FAT3: variants seen among roughly 807,000 people sequenced by gnomAD.
FAT3 encodes the protein FAT atypical cadherin 3.
In FAT3, 95 loss-of-function variants were observed where a neutral mutation model predicts 310.2. That is an observed-to-expected ratio of 0.31 (90% CI 0.26 to 0.36). The LOEUF is 0.36. Among genes scored for constraint, FAT3 ranks in the 10% least tolerant of loss-of-function variants. The pLI, the probability that FAT3 is intolerant of heterozygous loss-of-function variation, is 1.00. For missense variants in FAT3, 5,408 were observed against 5,715.6 expected (o/e 0.95, Z 1.74); for synonymous variants, 2,314 against 2,192.9 (o/e 1.06, Z -1.54).
chr11:92,673,907 A>G (rs1427237821), intron 3 of FAT3, among the ~76,000 whole-genome samples: 3 of 152,048 alleles, frequency 2.0e-5, no homozygotes, highest in Admixed American at 6.6e-5. Context: ...TGGGCCAGGT[A>G]TGGTGGTTCA....
chr11:92,501,564 A>G (rs1368198009), intron 2 of FAT3, among the ~76,000 whole-genome samples: 3 of 152,006 alleles, frequency 2.0e-5, no homozygotes, highest in African/African-American at 7.2e-5. Flanking sequence ...AGGAATTTCA[A>G]CAGTCATTTG....
chr11:92,372,745 C>T (rs1394368683), intron 2 of FAT3, among the ~76,000 whole-genome samples: 1 of 152,046 alleles, frequency 6.6e-6, no homozygotes, highest in African/African-American at 2.4e-5. Flanking sequence ...ACTGCAAGCT[C>T]TGCCTCCCGG....
intron 3 of FAT3, among the ~76,000 whole-genome samples, chr11:92,693,553 T>C (rs1382465972): frequency 1.3e-5 from 2 of 152,208 alleles, no homozygotes; most frequent in Non-Finnish European, 2.9e-5. Flanking sequence ...AACAAAGTTA[T>C]TATAAATGAA....
intron 2 of FAT3, among the ~76,000 whole-genome samples, chr11:92,486,237 A>G (rs1952396761): frequency 7.2e-6 from 1 of 138,522 alleles, no homozygotes; most frequent in Non-Finnish European, 1.5e-5. Flanking sequence ...GGCTTTTACT[A>G]TGGATTGGTT....
At chr11:92,777,528 A>G (rs939017010) in intron 7 of FAT3, among the ~76,000 whole-genome samples, 1 of 152,202 alleles carries the variant, frequency 6.6e-6, no homozygotes, top group Non-Finnish European at 1.5e-5. Flanking sequence ...AAAGCATCCC[A>G]ACACTGACAA....
chr11:92,342,739 A>G (rs1181835744), intron 1 of FAT3, among the ~76,000 whole-genome samples: 1 of 152,146 alleles, frequency 6.6e-6, no homozygotes, highest in Non-Finnish European at 1.5e-5. Flanking sequence ...CTTTTTTAAA[A>G]ATCGTAAGCA....
intron 1 of FAT3, among the ~76,000 whole-genome samples, chr11:92,305,239 A>G (rs1225526099): frequency 6.6e-6 from 1 of 152,066 alleles, no homozygotes; most frequent in Non-Finnish European, 1.5e-5. Context: ...TTATAGATAA[A>G]CCAGCTATGT....
chr11:92,315,479 GTA>G (rs1168085335), intron 1 of FAT3, among the ~76,000 whole-genome samples: 726 of 64,986 alleles, frequency 0.011, 12 homozygotes, highest in Middle Eastern at 0.028. Context: ...GTGTGTGTGT[GTA>G]TATATATATA....
intron 3 of FAT3, among the ~76,000 whole-genome samples, chr11:92,535,464 A>G (rs1435131107): frequency 1.3e-5 from 2 of 151,130 alleles, no homozygotes; most frequent in African/African-American, 4.9e-5. Context: ...TAGGAAGCTA[A>G]CATGAGTGCA....
intron 1 of FAT3, among the ~76,000 whole-genome samples, chr11:92,234,478 A>G (rs977063478): frequency 3.9e-5 from 6 of 152,166 alleles, no homozygotes; most frequent in Non-Finnish European, 8.8e-5. Context: ...AAGTTTAAGA[A>G]TTTCTGGGCC....
chr11:92,696,540 C>G (rs1943947872), intron 3 of FAT3, among the ~76,000 whole-genome samples: 1 of 152,126 alleles, frequency 6.6e-6, no homozygotes, highest in Non-Finnish European at 1.5e-5. Flanking sequence ...CCTCCATTGT[C>G]CATCAGCATA....
intron 13 of FAT3, among the ~76,000 whole-genome samples, chr11:92,830,027 T>A (rs1036820753): frequency 1.3e-5 from 2 of 152,150 alleles, no homozygotes; most frequent in African/African-American, 4.8e-5. Context: ...CCCTCCCCTC[T>A]AAGAGCTTAT....
At chr11:92,410,287 GGT>G (rs1045374892) in intron 2 of FAT3, among the ~76,000 whole-genome samples, 22 of 151,288 alleles carry the variant, frequency 1.5e-4, no homozygotes, top group African/African-American at 3.9e-4. Context: ...TTTTTTTATA[GGT>G]GTGTGTGTGT....
At chr11:92,273,025 G>A (rs930664257) in intron 1 of FAT3, among the ~76,000 whole-genome samples, 4 of 152,016 alleles carry the variant, frequency 2.6e-5, no homozygotes, top group African/African-American at 9.7e-5. Flanking sequence ...CTTTCAACTA[G>A]GTTGGCCTTG....
chr11:92,762,406 A>T (rs1946176040), intron 5 of FAT3, among the ~76,000 whole-genome samples: 1 of 152,128 alleles, frequency 6.6e-6, no homozygotes, highest in African/African-American at 2.4e-5. Flanking sequence ...CCCCATTCCC[A>T]GGCCACAGCC....
chr11:92,701,493 G>A (rs946597412), intron 4 of FAT3, among the ~76,000 whole-genome samples: 3 of 152,324 alleles, frequency 2.0e-5, no homozygotes, highest in African/African-American at 7.2e-5. Context: ...AAATTCACAA[G>A]TACAGCTTAT....
Position 92,805,043 on chromosome 11 carries a change from A to T in FAT3, c.8897-110A>T. 3 of 1,017,338 alleles carry T rather than the reference A, an allele frequency of 2.9e-6. No individual in the cohort carries two copies. The South Asian group carries it at 7.0e-5, about 24-fold the overall frequency. 63.0% of individuals were successfully genotyped at this position (1,017,338 alleles called of 1,614,324 possible). On this transcript the variant is annotated intron_variant, in intron 10 of 27. Transcript: ENST00000525166. Reference sequence around the variant, plus strand: ...CAGTATCTTTGTAGTATCCTAAATGATACAGTTTAAGGAGTACCTGGATGA... The same window carrying T: ...CAGTATCTTTGTAGTATCCTAAATGTTACAGTTTAAGGAGTACCTGGATGA...
chr11:92,315,557 T>TGAGAGAGAGA (rs1947438275), intron 1 of FAT3, among the ~76,000 whole-genome samples: 1 of 112,360 alleles, frequency 8.9e-6, no homozygotes, highest in African/African-American at 3.2e-5. Context: ...AGAGAGAGAC[T>TGAGAGAGAGA]GTGTTGCCCA....
intron 1 of FAT3, among the ~76,000 whole-genome samples, chr11:92,309,760 T>C (rs1340843099): frequency 6.6e-6 from 1 of 152,142 alleles, no homozygotes; most frequent in African/African-American, 2.4e-5. Flanking sequence ...CACTGAGAAA[T>C]GTGCATGGCG....
Sources: allele counts gnomAD v4.1 joint callset (sites outside exome capture counted in the v4.1 genomes callset), GRCh38; gene constraint gnomAD v4.1.1; transcripts MANE v1.5; gene names NCBI Gene and HGNC (gene_info 2026-07-23, HGNC 2026-07-21).